STK33: variants seen among roughly 807,000 people sequenced by gnomAD.
STK33 encodes the protein serine/threonine-protein kinase 33.
Under a neutral mutation model 58.0 loss-of-function variants are expected in STK33, and 52 were observed. The observed-to-expected ratio is 0.90, with a 90% CI of 0.72 to 1.13. The LOEUF is 1.13. Among genes scored for constraint, STK33 ranks in the 50% most tolerant of loss-of-function variants. The pLI is 0.00. For missense variants in STK33, 630 were observed against 604.2 expected (o/e 1.04, Z -0.45); for synonymous variants, 215 against 200.1 (o/e 1.07, Z -0.63).
intron 14 of STK33, among the ~76,000 whole-genome samples, chr11:8,419,724 C>T (rs10840040): frequency 0.6 from 90,595 of 151,936 alleles, 27,693 homozygotes; most frequent in African/African-American, 0.71. Flanking sequence ...GCATGTAATG[C>T]TTTTCCGTTT....
intron 11 of STK33, among the ~76,000 whole-genome samples, chr11:8,445,356 T>C (rs1591116387): frequency 1.3e-5 from 2 of 152,196 alleles, no homozygotes; most frequent in Non-Finnish European, 2.9e-5. Context: ...CTCTTCCTAT[T>C]TGAATACCCT....
chr11:8,387,645 T>C (rs528794971), downstream of STK33, among the ~76,000 whole-genome samples: 49 of 152,340 alleles, frequency 3.2e-4, 1 homozygote, highest in Middle Eastern at 0.01. Flanking sequence ...CCATCCACTA[T>C]TATAGCTCAA....
At chr11:8,386,065 G>T in the STK33 span, among the ~76,000 whole-genome samples, 1 of 152,192 alleles carries the variant, frequency 6.6e-6, no homozygotes, top group Non-Finnish European at 1.5e-5. Flanking sequence ...GAGCCACCGC[G>T]CCCGGCCAAT....
chr11:8,462,097 T>C (rs932753875), intron 7 of STK33, among the ~76,000 whole-genome samples, 188 bp from the exon 8 acceptor site: 1 of 152,194 alleles, frequency 6.6e-6, no homozygotes, highest in Non-Finnish European at 1.5e-5. Context: ...CAGATTAAAT[T>C]ATGCCCCTTC....
chr11:8,426,246 G>C lies in STK33; in HGVS notation c.1146+9248C>G, dbSNP rs540445919. On this transcript the variant is annotated intron_variant, in intron 14 of 15. Coordinates refer to ENST00000687296, the MANE Select transcript of STK33 (RefSeq NM_001352389.2). Reference sequence around the variant, plus strand: ...CTGGAGTCAGGCAGCTCAGCAGCCTGGGCTCTCCTCCAACTGCCCCAGCCA... The same window carrying C: ...CTGGAGTCAGGCAGCTCAGCAGCCTCGGCTCTCCTCCAACTGCCCCAGCCA... 3.9e-5 allele frequency among the ~76,000 whole-genome samples: 6 copies of C among 152,322 alleles called. No individual in the cohort carries two copies. The South Asian group carries it at 1.2e-3, about 32-fold the overall frequency.
the STK33 span, among the ~76,000 whole-genome samples, chr11:8,366,163 G>A: frequency 6.6e-6 from 1 of 152,214 alleles, no homozygotes; most frequent in Non-Finnish European, 1.5e-5. Context: ...TGAAGCATCA[G>A]AAGGGGATCC....
intron 15 of STK33, among the ~76,000 whole-genome samples, chr11:8,403,954 A>G (rs117049446): frequency 3.9e-5 from 6 of 152,372 alleles, no homozygotes; most frequent in Non-Finnish European, 8.8e-5. Flanking sequence ...AGTAAAATAC[A>G]TGCTATTTAA....
At chr11:8,403,130 C>A (rs1302277565) in intron 15 of STK33, among the ~76,000 whole-genome samples, 1 of 152,214 alleles carries the variant, frequency 6.6e-6, no homozygotes, top group African/African-American at 2.4e-5. Context: ...CATTATGAGA[C>A]TGTTGGGCAT....
intron 1 of STK33, among the ~76,000 whole-genome samples, chr11:8,561,478 C>T (rs1957107557): frequency 6.6e-6 from 1 of 152,084 alleles, no homozygotes; most frequent in African/African-American, 2.4e-5. Flanking sequence ...AATCTTGAAG[C>T]ACAAGTAACT....
chr11:8,590,847 G>A (rs915526302), intron 1 of STK33, among the ~76,000 whole-genome samples: 3 of 152,154 alleles, frequency 2.0e-5, no homozygotes, highest in African/African-American at 7.2e-5. Flanking sequence ...AATTCTTTCT[G>A]AATCGCATCT....
the STK33 span, among the ~76,000 whole-genome samples, chr11:8,335,361 G>A: frequency 6.6e-6 from 1 of 152,264 alleles, no homozygotes; most frequent in South Asian, 2.1e-4. Flanking sequence ...CACCACTGAC[G>A]CTCCCAGCCA....
At chr11:8,351,841 T>C in the STK33 span, among the ~76,000 whole-genome samples, 3 of 152,156 alleles carry the variant, frequency 2.0e-5, no homozygotes, top group Non-Finnish European at 4.4e-5. Flanking sequence ...TCCATCCCCT[T>C]GGAGCTGATG....
chr11:8,435,046 G>A (rs1203294754), intron 14 of STK33, among the ~76,000 whole-genome samples: 2 of 152,176 alleles, frequency 1.3e-5, no homozygotes, highest in Admixed American at 6.6e-5. Flanking sequence ...AAAACAATAT[G>A]TAAATAAATA....
At chr11:8,349,821 C>T in the STK33 span, among the ~76,000 whole-genome samples, 1 of 152,266 alleles carries the variant, frequency 6.6e-6, no homozygotes, top group African/African-American at 2.4e-5. Flanking sequence ...CCTCCCACCC[C>T]ACACCAGCTT....
intron 1 of STK33, among the ~76,000 whole-genome samples, chr11:8,507,609 G>A (rs1951961055): frequency 6.6e-6 from 1 of 152,016 alleles, no homozygotes; most frequent in Non-Finnish European, 1.5e-5. Flanking sequence ...TCTTAAAGAA[G>A]ACTAAATAAG....
chr11:8,348,384 G>A, the STK33 span, among the ~76,000 whole-genome samples: 2 of 152,170 alleles, frequency 1.3e-5, no homozygotes, highest in Non-Finnish European at 2.9e-5. Context: ...TTCACAAGGT[G>A]GCAGGAGAGA....
intron 1 of STK33, among the ~76,000 whole-genome samples, chr11:8,495,978 T>C (rs1350022027): frequency 6.6e-6 from 1 of 152,046 alleles, no homozygotes; most frequent in East Asian, 1.9e-4. Context: ...GGGATAGCAT[T>C]AGGAGAAATA....
chr11:8,553,123 A>T (rs991619839), intron 1 of STK33, among the ~76,000 whole-genome samples: 1 of 141,810 alleles, frequency 7.1e-6, no homozygotes, highest in Non-Finnish European at 1.5e-5. Context: ...AAGCCACTGT[A>T]CTCTAGCGTG....
chr11:8,463,924 CT>C (rs1947864115), intron 7 of STK33, among the ~76,000 whole-genome samples: 1 of 152,130 alleles, frequency 6.6e-6, no homozygotes, highest in Non-Finnish European at 1.5e-5. Context: ...CTCTTAATCC[CT>C]TTACTAAGAT....
Sources: allele counts gnomAD v4.1 joint callset (sites outside exome capture counted in the v4.1 genomes callset), GRCh38; gene constraint gnomAD v4.1.1; transcripts MANE v1.5; gene names NCBI Gene and HGNC (gene_info 2026-07-23, HGNC 2026-07-21).